Variants in FA2H observed in about 807,000 individuals in gnomAD.
FA2H encodes fatty acid 2-hydroxylase, also known as fatty acid alpha-hydroxylase.
FA2H carries 22 observed loss-of-function variants against 44.9 expected under a neutral mutation model. The ratio of observed to expected loss-of-function variants is 0.49; its 90% CI spans 0.35 to 0.70. FA2H has a LOEUF of 0.70. Among genes scored for constraint, FA2H ranks in the 30% least tolerant of loss-of-function variants. The probability of loss-of-function intolerance (pLI) is 0.01; values close to 1 mark genes in which losing one functional copy is unlikely to be tolerated. For synonymous variants in FA2H, 243 were observed against 213.2 expected (o/e 1.14, Z -1.22); for missense variants, 501 against 504.9 (o/e 0.99, Z 0.07).
intron 1 of FA2H, among the ~76,000 whole-genome samples, chr16:74,752,856 G>A (rs998369699): frequency 6.6e-6 from 1 of 152,202 alleles, no homozygotes; most frequent in Non-Finnish European, 1.5e-5. Flanking sequence ...AGGTGAAGAT[G>A]GAGTGAAGGC....
chr16:74,768,112 T>A (rs992796748), intron 1 of FA2H, among the ~76,000 whole-genome samples: 7 of 152,106 alleles, frequency 4.6e-5, no homozygotes, highest in Admixed American at 2.6e-4. Context: ...AGAAAAAAAA[T>A]AAGCGAAGAT....
intron 4 of FA2H, chr16:74,725,976 T>A (rs1476791941): frequency 2.1e-6 from 1 of 479,924 alleles, no homozygotes; most frequent in East Asian, 3.9e-5. Context: ...TCTTTTTTTA[T>A]TGCTATGCCA....
chr16:74,746,029 A>T (rs1172783376), intron 1 of FA2H, among the ~76,000 whole-genome samples: 3 of 149,186 alleles, frequency 2.0e-5, no homozygotes, highest in African/African-American at 5.0e-5. Context: ...CTGGTTTTGA[A>T]CTCGTGAACT....
chr16:74,764,905 G>C (rs1207448599), intron 1 of FA2H, among the ~76,000 whole-genome samples: 1 of 152,044 alleles, frequency 6.6e-6, no homozygotes, highest in Non-Finnish European at 1.5e-5. Flanking sequence ...ATGAGGACTG[G>C]GGGGGTCTTA....
intron 2 of FA2H, among the ~76,000 whole-genome samples, chr16:74,739,535 C>A (rs765798826): frequency 1.3e-5 from 2 of 152,212 alleles, no homozygotes; most frequent in Non-Finnish European, 2.9e-5. Flanking sequence ...CCTAAGACTG[C>A]AGGCATCTCT....
intron 1 of FA2H, among the ~76,000 whole-genome samples, chr16:74,749,346 C>A (rs1459328603): frequency 6.6e-6 from 1 of 152,056 alleles, no homozygotes; most frequent in Non-Finnish European, 1.5e-5. Flanking sequence ...AGCCTCAGAA[C>A]CCCCGAAGCC....
chr16:74,759,073 C>T (rs182244607), intron 1 of FA2H, among the ~76,000 whole-genome samples: 4 of 152,324 alleles, frequency 2.6e-5, no homozygotes, highest in East Asian at 1.9e-4. Flanking sequence ...TCCCTTAACA[C>T]GGGTCTAGAC....
chr16:74,774,738 G>A lies in FA2H; in HGVS notation c.18C>T (p.Pro6=). Residue 6 remains proline (P), a synonymous_variant, in exon 1 of 7, where the codon CCC becomes CCT. Transcript: ENST00000219368. ...CGGAGGGCGAGAAGGAGGCGGCGGGGGGCGGAGCGGGGGCCATGGCCGGAG... is the reference window on the plus strand; with the variant it reads ...CGGAGGGCGAGAAGGAGGCGGCGGGAGGCGGAGCGGGGGCCATGGCCGGAG... MAPAP[P]PAASFSPSEV... is the part of the protein sequence containing the mutation. 8 of 1,318,688 alleles carry A rather than the reference G, an allele frequency of 6.1e-6. No homozygotes were observed. Among genetic ancestry groups the A allele is most frequent in the Non-Finnish European group, 7.7e-6 (8 of 1,043,718 alleles). 81.7% of individuals were successfully genotyped at this position (1,318,688 alleles called of 1,614,324 possible). A position where few individuals can be genotyped will look rare whatever the true frequency, so the allele number is the denominator to read the frequency against.
intron 1 of FA2H, among the ~76,000 whole-genome samples, chr16:74,751,996 A>G (rs1311241500): frequency 6.6e-6 from 1 of 152,194 alleles, no homozygotes; most frequent in East Asian, 1.9e-4. Context: ...AATCATTTCC[A>G]TAAATCAAAT....
intron 1 of FA2H, among the ~76,000 whole-genome samples, chr16:74,768,851 A>T (rs923102207): frequency 4.6e-5 from 7 of 152,114 alleles, no homozygotes; most frequent in Non-Finnish European, 1.0e-4. Context: ...GTGGAATTAA[A>T]ACATGGCATC....
chr16:74,761,304 T>A (rs1962703454), intron 1 of FA2H, among the ~76,000 whole-genome samples: 1 of 151,848 alleles, frequency 6.6e-6, no homozygotes, highest in Non-Finnish European at 1.5e-5. Context: ...AATACAAAAA[T>A]TAGCCGGGCA....
At position 74,715,794 on chromosome 16, in the gene FA2H, C is replaced by T. The variant is rs148399996; in HGVS notation, c.1039+553G>A. Among the ~76,000 whole-genome samples, 175 of 148,864 alleles carry T rather than the reference C, an allele frequency of 1.2e-3. 1 individual carries two copies. Among genetic ancestry groups the T allele is most frequent in the African/African-American group, 4.1e-3 (162 of 39,984 alleles). On this transcript the variant is annotated intron_variant, in intron 6 of 6. Transcript: ENST00000219368. Reference sequence around the variant, plus strand: ...ACCTATGTGATATTCCATCACCTTGCTTTACTTTCTTCTTCTTCTTCTTTT... The same window carrying T: ...ACCTATGTGATATTCCATCACCTTGTTTTACTTTCTTCTTCTTCTTCTTTT...
chr16:74,730,481 C>G (rs185780558), intron 2 of FA2H, among the ~76,000 whole-genome samples: 1 of 152,286 alleles, frequency 6.6e-6, no homozygotes, highest in Admixed American at 6.5e-5. Flanking sequence ...AGTCTAGCAG[C>G]AAGTGGAGTC....
intron 2 of FA2H, among the ~76,000 whole-genome samples, chr16:74,732,106 G>A (rs1255829858): frequency 6.6e-6 from 1 of 151,490 alleles, no homozygotes; most frequent in African/African-American, 2.4e-5. Context: ...CTGGTCTCGA[G>A]CTCCTGGGCT....
At chr16:74,724,873 C>T (rs1314176782) in intron 4 of FA2H, among the ~76,000 whole-genome samples, 4 of 152,316 alleles carry the variant, frequency 2.6e-5, no homozygotes, top group East Asian at 1.9e-4. Flanking sequence ...TCTGCCCATC[C>T]GGCCGGAGCT....
At chr16:74,738,890 C>A (rs1284567754) in intron 2 of FA2H, among the ~76,000 whole-genome samples, 2 of 152,268 alleles carry the variant, frequency 1.3e-5, no homozygotes, top group Non-Finnish European at 2.9e-5. Context: ...GCCCTGGGTT[C>A]TGCACCTCTC....
chr16:74,748,075 C>T (rs1962458534), intron 1 of FA2H, among the ~76,000 whole-genome samples: 1 of 152,134 alleles, frequency 6.6e-6, no homozygotes, highest in South Asian at 2.1e-4. Context: ...GGGCAGGCCA[C>T]ACAGATGGCC....
intron 1 of FA2H, among the ~76,000 whole-genome samples, chr16:74,744,737 C>G (rs776127826): frequency 2.0e-5 from 3 of 152,136 alleles, no homozygotes; most frequent in Non-Finnish European, 4.4e-5. Flanking sequence ...TAGGTGTGCA[C>G]CACCATGTCC....
chr16:74,742,287 G>A (rs1180634645), intron 1 of FA2H, among the ~76,000 whole-genome samples: 1 of 152,172 alleles, frequency 6.6e-6, no homozygotes, highest in Non-Finnish European at 1.5e-5. Context: ...AACAAATGGA[G>A]TGGGTGCATC....
Sources: gnomAD v4.1 joint callset for allele counts (sites outside exome capture counted in the v4.1 genomes callset) on GRCh38, gnomAD v4.1.1 for gene constraint, MANE v1.5 for transcripts, NCBI Gene and HGNC (gene_info 2026-07-23, HGNC 2026-07-21) for gene names.